Variants in KLF12 observed in about 807,000 individuals in gnomAD.
KLF12 encodes Krueppel-like factor 12.
In KLF12, 9 loss-of-function variants were observed where a neutral mutation model predicts 37.8. That is an observed-to-expected ratio of 0.24 (90% confidence interval 0.14 to 0.42). The LOEUF (loss-of-function observed/expected upper bound fraction) is 0.42. KLF12 is among the 10% of genes least tolerant of loss of function. KLF12 has a pLI of 1.00. For synonymous variants in KLF12, 208 were observed against 202.1 expected (o/e 1.03, Z -0.25); for missense variants, 411 against 516.0 (o/e 0.80, Z 1.97).
At chr13:73,955,878 C>T (rs1890815266) in intron 2 of KLF12, among the ~76,000 whole-genome samples, 1 of 149,774 alleles carries the variant, frequency 6.7e-6, no homozygotes, top group African/African-American at 2.5e-5. Flanking sequence ...AATACCAACA[C>T]CTCTGTGCCA....
the KLF12 span, among the ~76,000 whole-genome samples, chr13:74,141,748 T>C: frequency 6.6e-6 from 1 of 152,148 alleles, no homozygotes; most frequent in African/African-American, 2.4e-5. Context: ...GCATCAACTG[T>C]ATCTCTGCTT....
intron 4 of KLF12, among the ~76,000 whole-genome samples, chr13:73,817,529 AT>A (rs1424261667): frequency 2.0e-5 from 3 of 152,186 alleles, no homozygotes; most frequent in Non-Finnish European, 4.4e-5. Context: ...CTACAACAAT[AT>A]TAAATTGAAT....
the KLF12 span, among the ~76,000 whole-genome samples, chr13:74,277,814 G>T: frequency 6.6e-6 from 1 of 152,190 alleles, no homozygotes; most frequent in East Asian, 1.9e-4. Context: ...TTGCTGTCCA[G>T]TTGAGGCATC....
intron 3 of KLF12, among the ~76,000 whole-genome samples, chr13:73,846,840 C>T (rs1020539150): frequency 1.3e-5 from 2 of 152,160 alleles, no homozygotes; most frequent in Non-Finnish European, 2.9e-5. Context: ...TAAAGTTCTT[C>T]AACCTCCCAC....
the KLF12 span, among the ~76,000 whole-genome samples, chr13:74,251,428 G>A: frequency 6.6e-6 from 1 of 152,114 alleles, no homozygotes; most frequent in African/African-American, 2.4e-5. Context: ...TTACAGGCAT[G>A]AGCCACCACA....
At chr13:73,725,301 C>T (rs112036769) in intron 6 of KLF12, among the ~76,000 whole-genome samples, 22,773 of 151,992 alleles carry the variant, frequency 0.15, 2,777 homozygotes, top group African/African-American at 0.34. Context: ...GGGGTTTCAC[C>T]ATGTTCGCCA....
intron 6 of KLF12, among the ~76,000 whole-genome samples, chr13:73,749,194 A>G (rs1445754009): frequency 7.9e-5 from 12 of 152,210 alleles, no homozygotes; most frequent in Admixed American, 7.9e-4. Context: ...ATGGATTGAC[A>G]CTTTGCACAA....
chr13:74,217,314 T>C, the KLF12 span, among the ~76,000 whole-genome samples: 4 of 148,722 alleles, frequency 2.7e-5, no homozygotes, highest in Non-Finnish European at 5.9e-5. Context: ...TAGATGACTT[T>C]TTTTTTTTTT....
At chr13:74,217,720 C>T in the KLF12 span, among the ~76,000 whole-genome samples, 2 of 152,174 alleles carry the variant, frequency 1.3e-5, no homozygotes, top group Admixed American at 1.3e-4. Flanking sequence ...GAGTGAGACT[C>T]CGTCTCAAAA....
intron 3 of KLF12, among the ~76,000 whole-genome samples, chr13:73,894,499 T>C (rs949989982): frequency 6.6e-6 from 1 of 152,230 alleles, no homozygotes; most frequent in Non-Finnish European, 1.5e-5. Context: ...AATGCCATTA[T>C]ATTTTTAATT....
At chr13:74,248,656 T>A in the KLF12 span, among the ~76,000 whole-genome samples, 1 of 152,152 alleles carries the variant, frequency 6.6e-6, no homozygotes, top group Non-Finnish European at 1.5e-5. Flanking sequence ...AAAGTGCCCA[T>A]CATTAAGGGC....
At chr13:73,842,592 T>C (rs564548498) in intron 4 of KLF12, among the ~76,000 whole-genome samples, 1 of 152,372 alleles carries the variant, frequency 6.6e-6, no homozygotes, top group Non-Finnish European at 1.5e-5. Context: ...TAATGTGACA[T>C]GTAGGGTAAC....
the KLF12 span, among the ~76,000 whole-genome samples, chr13:74,287,445 C>T: frequency 6.7e-6 from 1 of 149,456 alleles, no homozygotes; most frequent in South Asian, 2.1e-4. Context: ...TAAGCTGCTT[C>T]TTTGTCTGAA....
In KLF12 at chr13:73,687,658, G is replaced by T. The variant is rs1405517872; in HGVS notation, c.*7832C>A. On this transcript the variant is annotated 3_prime_UTR_variant, in exon 8 of 8. Transcript: ENST00000377669. ...AAATATCTTACTTTTTGATTGCTTGGACACTTTTATCACTAGATTTGGATC... is the reference window on the plus strand; with the variant it reads ...AAATATCTTACTTTTTGATTGCTTGTACACTTTTATCACTAGATTTGGATC... 1 of 152,006 alleles carries T rather than the reference G, an allele frequency of 6.6e-6. No individual in the cohort carries two copies. Among genetic ancestry groups the T allele is most frequent in the Non-Finnish European group, 1.5e-5 (1 of 68,004 alleles). The allele number at this position is 152,006 out of a possible 1,614,324, so 9.4% of individuals were successfully genotyped here.
At chr13:73,880,821 CTG>C (rs1350430118) in intron 3 of KLF12, among the ~76,000 whole-genome samples, 1 of 152,102 alleles carries the variant, frequency 6.6e-6, no homozygotes, top group African/African-American at 2.4e-5. Flanking sequence ...ACTAACCAAA[CTG>C]TTATTAAATG....
chr13:74,234,626 A>G, the KLF12 span, among the ~76,000 whole-genome samples: 1 of 152,186 alleles, frequency 6.6e-6, no homozygotes, highest in Admixed American at 6.5e-5. Context: ...GAGCAAAGGA[A>G]AAGTCATTAT....
At chr13:74,303,508 AAGAACTAAACGAGCTC>A in the KLF12 span, among the ~76,000 whole-genome samples, 5 of 152,164 alleles carry the variant, frequency 3.3e-5, no homozygotes, top group Admixed American at 2.6e-4. Context: ...GGGTAGGGTA[AAGAACTAAACGAGCTC>A]AGACCATTTC....
At chr13:73,707,837 A>C (rs1875063325) in intron 7 of KLF12, among the ~76,000 whole-genome samples, 1 of 152,200 alleles carries the variant, frequency 6.6e-6, no homozygotes, top group Admixed American at 6.5e-5. Flanking sequence ...GAAGATTCAA[A>C]TTAGAAGCAA....
At chr13:73,762,263 G>T (rs186161437) in intron 6 of KLF12, among the ~76,000 whole-genome samples, 1 of 152,224 alleles carries the variant, frequency 6.6e-6, no homozygotes, top group African/African-American at 2.4e-5. Context: ...GATTTTGTTT[G>T]CCTTATACAG....
Sources: allele counts gnomAD v4.1 joint callset (sites outside exome capture counted in the v4.1 genomes callset), GRCh38; gene constraint gnomAD v4.1.1; transcripts MANE v1.5; gene names NCBI Gene and HGNC (gene_info 2026-07-23, HGNC 2026-07-21).